The following MYO9A variants were observed in gnomAD, a reference collection of about 807,000 sequenced individuals.
MYO9A encodes the protein myosin IXA.
A neutral mutation model predicts 293.3 loss-of-function variants in MYO9A; 103 were observed. The ratio of observed to expected loss-of-function variants is 0.35; its 90% CI spans 0.30 to 0.41. The LOEUF is 0.41. Among genes scored for constraint, MYO9A ranks in the 10% least tolerant of loss-of-function variants. The pLI is 1.00. For synonymous variants in MYO9A, 1,001 were observed against 1,035.7 expected, an observed-to-expected ratio of 0.97 and a Z score of 0.64; for missense variants, 2,685 against 3,033.0, an observed-to-expected ratio of 0.89 and a Z score of 2.69.
At chr15:71,858,068 T>C (rs1271356499) in intron 34 of MYO9A, among the ~76,000 whole-genome samples, 1 of 152,304 alleles carries the variant, frequency 6.6e-6, no homozygotes, top group Non-Finnish European at 1.5e-5. Flanking sequence ...TACCATCTCA[T>C]ACCAGCTGGA....
intron 12 of MYO9A, among the ~76,000 whole-genome samples, chr15:71,974,809 G>T (rs2076096270): frequency 6.6e-6 from 1 of 152,224 alleles, no homozygotes; most frequent in African/African-American, 2.4e-5. Context: ...GTGGACTGAG[G>T]AGGAGGTACT....
Position 71,883,691 on chromosome 15 carries a change from C to T in MYO9A, c.5301G>A (p.Gly1767=). The change falls in exon 28 of 42, where the codon GGG becomes GGA. Residue 1767 remains glycine, a synonymous_variant. Coordinates refer to ENST00000356056, the MANE Select transcript of MYO9A (RefSeq NM_006901.4). ...KMRFWAKGKQ[G]EKKTTRVKPT... The stretch of plus-strand genomic sequence containing the variant: ...GTTTCACTCTGGTAGTCTTCTTCTC[C>T]CCTTGTTTCCCTTTGGCCCAGAATC... The T allele has an allele frequency of 6.2e-7, 1 of 1,613,324 alleles. No homozygotes were observed. The highest frequency in any genetic ancestry group is 8.5e-7 in the Non-Finnish European group (1 of 1,179,586).
At chr15:71,872,956 A>G (rs1223934577) in intron 32 of MYO9A, among the ~76,000 whole-genome samples, 2 of 150,756 alleles carry the variant, frequency 1.3e-5, no homozygotes, top group African/African-American at 4.9e-5. Context: ...TCTGTCGCCC[A>G]GGCTGGAGTG....
At chr15:72,088,110 A>C (rs1200868451) in intron 1 of MYO9A, among the ~76,000 whole-genome samples, 1 of 152,192 alleles carries the variant, frequency 6.6e-6, no homozygotes, top group African/African-American at 2.4e-5. Flanking sequence ...GGAGAAACTA[A>C]ACCTGACAAC....
chr15:72,030,206 A>C (rs961192673), intron 3 of MYO9A, among the ~76,000 whole-genome samples: 1 of 152,194 alleles, frequency 6.6e-6, no homozygotes, highest in African/African-American at 2.4e-5. Flanking sequence ...ACCTGTCTAA[A>C]ATGGGAGAAA....
At chr15:72,100,403 G>A (rs1201177725) in intron 1 of MYO9A, among the ~76,000 whole-genome samples, 1 of 151,794 alleles carries the variant, frequency 6.6e-6, no homozygotes, top group African/African-American at 2.4e-5. Context: ...AGTGAGGAGC[G>A]TCTCTGCCTG....
chr15:71,989,142 G>A (rs533901591), intron 11 of MYO9A, among the ~76,000 whole-genome samples: 269 of 152,104 alleles, frequency 1.8e-3, no homozygotes, highest in Non-Finnish European at 3.4e-3. Context: ...CGCCCACCTC[G>A]GCCTCCCATA....
intron 1 of MYO9A, among the ~76,000 whole-genome samples, chr15:72,089,131 G>C (rs1028543063): frequency 1.3e-5 from 2 of 152,128 alleles, no homozygotes; most frequent in African/African-American, 4.8e-5. Context: ...ATTACCTCAA[G>C]AGTCAAAACA....
chr15:71,911,648 T>A (rs1311577191), intron 19 of MYO9A, among the ~76,000 whole-genome samples: 2 of 152,220 alleles, frequency 1.3e-5, no homozygotes, highest in Non-Finnish European at 2.9e-5. Context: ...TTTAAAAAAC[T>A]ACTAAGTAGA....
chr15:71,923,006 T>A (rs1035266107), intron 18 of MYO9A, among the ~76,000 whole-genome samples: 1 of 152,198 alleles, frequency 6.6e-6, no homozygotes, highest in South Asian at 2.1e-4. Flanking sequence ...TTGTTTAGTA[T>A]GCTGTCTGTG....
At chr15:71,992,679 A>G (rs2076575188) in intron 10 of MYO9A, among the ~76,000 whole-genome samples, 1 of 152,140 alleles carries the variant, frequency 6.6e-6, no homozygotes, top group South Asian at 2.1e-4. Context: ...ATTTTTAATC[A>G]GTCTGACAAG....
In MYO9A at chr15:71,825,991, T is replaced by TTTTG. The variant is rs1337480555; in HGVS notation, c.*585_*588dup. On this transcript the variant is annotated 3_prime_UTR_variant, in exon 42 of 42. Transcript: ENST00000356056. ...CTTAATGGAAACAATCACGGTTTTT[T>TTTTG]TTTGTTTTTTTTTTTTTGTTTTTTT... The TTTTG allele has an allele frequency of 1.0e-4, 12 of 117,674 alleles. No homozygotes were observed. Among genetic ancestry groups the TTTTG allele is most frequent in the African/African-American group, 5.2e-4 (12 of 22,900 alleles). The allele number at this position is 117,674 out of a possible 1,614,324, so 7.3% of individuals were successfully genotyped here. A position where few individuals can be genotyped will look rare whatever the true frequency, so the allele number is the denominator to read the frequency against.
At chr15:71,843,831 G>T (rs146980453) in intron 39 of MYO9A, among the ~76,000 whole-genome samples, 1 of 152,132 alleles carries the variant, frequency 6.6e-6, no homozygotes, top group East Asian at 1.9e-4. Flanking sequence ...TGTTTTTATG[G>T]CTAAAAAATA....
At chr15:72,099,541 G>A (rs970500351) in intron 1 of MYO9A, among the ~76,000 whole-genome samples, 4 of 151,592 alleles carry the variant, frequency 2.6e-5, no homozygotes, top group Admixed American at 1.3e-4. Flanking sequence ...GGTCAAGACT[G>A]CAGCCAGCCG....
At chr15:71,924,143 T>C (rs1303768522) in intron 18 of MYO9A, among the ~76,000 whole-genome samples, 1 of 152,112 alleles carries the variant, frequency 6.6e-6, no homozygotes, top group East Asian at 1.9e-4. Flanking sequence ...ACTATTTGCA[T>C]ATAGTTTCTA....
In MYO9A at chr15:71,848,755, C is replaced by T. The variant is rs2055500706; in HGVS notation, c.6837+90G>A. 2.2e-6 allele frequency: 3 copies of T among 1,376,616 alleles called. No homozygotes were observed. In the Admixed American group the frequency reaches 8.1e-5, roughly 37 times the overall value. The allele number at this position is 1,376,616 out of a possible 1,614,324, so 85.3% of individuals were successfully genotyped here. ...TTACTTGTTTTTTATAAAAAAGATT[C>T]TGATAATAATCCTTGTATACACCAC... On this transcript the variant is annotated intron_variant, in intron 39 of 41. Coordinates refer to ENST00000356056, the MANE Select transcript of MYO9A (RefSeq NM_006901.4).
At chr15:71,955,129 CTT>C (rs796862707) in intron 14 of MYO9A, among the ~76,000 whole-genome samples, 21 of 142,042 alleles carry the variant, frequency 1.5e-4, no homozygotes, top group Admixed American at 2.8e-4. Context: ...AATTTATTAC[CTT>C]TTTTTTTTTT....
chr15:72,013,449 G>T (rs531481001), intron 6 of MYO9A, among the ~76,000 whole-genome samples: 3 of 152,294 alleles, frequency 2.0e-5, no homozygotes, highest in South Asian at 2.1e-4. Flanking sequence ...CAAGGAAATG[G>T]TAAGGTTCGT....
In MYO9A at chr15:71,830,234, A is replaced by G. The variant is rs1433148671; in HGVS notation, c.6915T>C (p.Asp2305=). ...PVVVRLPSVS[D]VSEETLTSEA... Reference sequence around the variant, plus strand: ...CACTAGTCAAGGTCTCCTCTGAGACATCAGACACAGAAGGCAACCGAACTA... The same window carrying G: ...CACTAGTCAAGGTCTCCTCTGAGACGTCAGACACAGAAGGCAACCGAACTA... Residue 2305 remains aspartate, a synonymous_variant, in exon 40 of 42, where the codon GAT becomes GAC. Transcript: ENST00000356056. 1 of 1,614,128 alleles carries G rather than the reference A, an allele frequency of 6.2e-7. No homozygotes were observed. The highest frequency in any genetic ancestry group is 8.5e-7 in the Non-Finnish European group (1 of 1,179,996).
Sources: gnomAD v4.1 joint callset for allele counts (sites outside exome capture counted in the v4.1 genomes callset) on GRCh38, gnomAD v4.1.1 for gene constraint, MANE v1.5 for transcripts, NCBI Gene and HGNC (gene_info 2026-07-23, HGNC 2026-07-21) for gene names.